The following ANO10 variants were observed in gnomAD, a reference collection of about 807,000 sequenced individuals.
ANO10 encodes the protein anoctamin-10.
A neutral mutation model predicts 74.7 loss-of-function variants in ANO10; 77 were observed. That is an observed-to-expected ratio of 1.03 (90% CI 0.86 to 1.25). The LOEUF (loss-of-function observed/expected upper bound fraction) is 1.25. Among genes scored for constraint, ANO10 ranks in the 50% most tolerant of loss-of-function variants. ANO10 has a pLI of 0.00. For synonymous variants in ANO10, 279 were observed against 284.9 expected (o/e 0.98, Z 0.21); for missense variants, 721 against 778.1 (o/e 0.93, Z 0.87).
chr3:43,649,828 C>G (rs2083768352), intron 1 of ANO10, among the ~76,000 whole-genome samples: 1 of 152,162 alleles, frequency 6.6e-6, no homozygotes, highest in African/African-American at 2.4e-5. Context: ...CTTGTCTGTT[C>G]AGTCACCACT....
intron 11 of ANO10, among the ~76,000 whole-genome samples, chr3:43,446,614 T>C (rs1427356615): frequency 6.6e-6 from 1 of 152,154 alleles, no homozygotes; most frequent in Non-Finnish European, 1.5e-5. Flanking sequence ...TAAGGAGAAA[T>C]TTGAACTACT....
At chr3:43,498,293 T>C (rs2076984062) in intron 11 of ANO10, among the ~76,000 whole-genome samples, 1 of 152,162 alleles carries the variant, frequency 6.6e-6, no homozygotes, top group South Asian at 2.1e-4. Context: ...TGTTCTGACC[T>C]TGGATATTTC....
intron 11 of ANO10, among the ~76,000 whole-genome samples, chr3:43,482,082 C>A (rs534646412): frequency 6.6e-6 from 1 of 151,782 alleles, no homozygotes; most frequent in Non-Finnish European, 1.5e-5. Flanking sequence ...GTGCGTGCCA[C>A]CACCCCCAGC....
At chr3:43,610,029 T>C (rs2082737668) in intron 1 of ANO10, among the ~76,000 whole-genome samples, 1 of 152,180 alleles carries the variant, frequency 6.6e-6, no homozygotes, top group African/African-American at 2.4e-5. Context: ...TATAAACTTT[T>C]TGATTTTTTT....
intron 12 of ANO10, among the ~76,000 whole-genome samples, chr3:43,401,482 T>A (rs1300614731): frequency 6.6e-6 from 1 of 152,236 alleles, no homozygotes; most frequent in East Asian, 1.9e-4. Flanking sequence ...CTTCTACTTA[T>A]GCTTAGATTC....
At chr3:43,561,470 TA>T in intron 8 of ANO10, 68 bp from the exon 9 acceptor site, 1 of 1,355,788 alleles carries the variant, frequency 7.4e-7, no homozygotes. Flanking sequence ...TTGTATAAAT[TA>T]TATATAAATT....
chr3:43,441,433 A>C (rs1280159629), intron 11 of ANO10, among the ~76,000 whole-genome samples: 1 of 152,110 alleles, frequency 6.6e-6, no homozygotes, highest in Non-Finnish European at 1.5e-5. Flanking sequence ...GAATTCCTAG[A>C]AACATGCAAC....
intron 12 of ANO10, among the ~76,000 whole-genome samples, chr3:43,426,318 A>T (rs1249529908): frequency 6.6e-6 from 1 of 152,172 alleles, no homozygotes; most frequent in Non-Finnish European, 1.5e-5. Context: ...TATCTTACAG[A>T]GTTTGGTTTT....
chr3:43,687,062 A>G (rs1575593785), intron 1 of ANO10, among the ~76,000 whole-genome samples: 1 of 150,632 alleles, frequency 6.6e-6, no homozygotes, highest in African/African-American at 2.5e-5. Flanking sequence ...CCTTCCCTTG[A>G]CCCAGCTACC....
At chr3:43,549,597 G>T in intron 11 of ANO10, 123 bp downstream of exon 11, 1 of 1,086,318 alleles carries the variant, frequency 9.2e-7, no homozygotes. Flanking sequence ...AACTGTTTTT[G>T]CTTTCTTACC....
chr3:43,530,952 C>A (rs2078441351), intron 11 of ANO10, among the ~76,000 whole-genome samples: 1 of 151,988 alleles, frequency 6.6e-6, no homozygotes, highest in South Asian at 2.1e-4. Flanking sequence ...TCTCCTTGGG[C>A]ACACACAGAA....
rs571461377 is a variant in ANO10, at chr3:43,461,665, C to T, written c.1798-28938G>A. ...TGCCATTCATGTAAGACGTGACTTGCTCTTCCTTGCCTTCTGCCATGATCA... is the reference window on the plus strand; with the variant it reads ...TGCCATTCATGTAAGACGTGACTTGTTCTTCCTTGCCTTCTGCCATGATCA... On this transcript the variant is annotated intron_variant, in intron 11 of 12. Transcript: ENST00000292246. Among the ~76,000 whole-genome samples the T allele has an allele frequency of 3.3e-5, 5 of 152,330 alleles. No individual in the cohort carries two copies. The South Asian group carries it at 1.0e-3, about 32-fold the overall frequency.
intron 11 of ANO10, among the ~76,000 whole-genome samples, chr3:43,493,698 T>C (rs1443293618): frequency 2.0e-5 from 3 of 151,954 alleles, no homozygotes; most frequent in Non-Finnish European, 4.4e-5. Flanking sequence ...AAAATAAAAG[T>C]AGAAAAATAT....
chr3:43,647,449 C>T (rs1364536415), intron 1 of ANO10, among the ~76,000 whole-genome samples: 4 of 151,924 alleles, frequency 2.6e-5, no homozygotes, highest in African/African-American at 7.3e-5. Flanking sequence ...TCACCCTCCT[C>T]CCACAGTTTT....
At chr3:43,614,007 A>G (rs2082962240) in intron 1 of ANO10, among the ~76,000 whole-genome samples, 1 of 152,190 alleles carries the variant, frequency 6.6e-6, no homozygotes. Context: ...GACTAGATAC[A>G]CAGAAAACCC....
intron 2 of ANO10, among the ~76,000 whole-genome samples, chr3:43,602,479 G>A (rs1373726088): frequency 6.6e-6 from 1 of 152,096 alleles, no homozygotes; most frequent in Non-Finnish European, 1.5e-5. Flanking sequence ...TGAGATACAG[G>A]CACACACAAC....
chr3:43,621,374 T>TGA (rs2083383312), intron 1 of ANO10, among the ~76,000 whole-genome samples: 1 of 152,064 alleles, frequency 6.6e-6, no homozygotes, highest in Non-Finnish European at 1.5e-5. Flanking sequence ...CACCTCGATG[T>TGA]GAGCATTATC....
intron 1 of ANO10, among the ~76,000 whole-genome samples, chr3:43,616,494 T>C (rs2083113425): frequency 6.6e-6 from 1 of 152,248 alleles, no homozygotes; most frequent in South Asian, 2.1e-4. Context: ...TCAAGACCAA[T>C]ACAAGTGCTG....
chr3:43,585,575 C>T (rs916073382), intron 4 of ANO10, among the ~76,000 whole-genome samples: 2 of 152,164 alleles, frequency 1.3e-5, no homozygotes, highest in Non-Finnish European at 2.9e-5. Context: ...GATCAAAGAG[C>T]ACACACACTC....
Sources: gnomAD v4.1 joint callset for allele counts (sites outside exome capture counted in the v4.1 genomes callset) on GRCh38, gnomAD v4.1.1 for gene constraint, MANE v1.5 for transcripts, NCBI Gene and HGNC (gene_info 2026-07-23, HGNC 2026-07-21) for gene names.